Variants in RNGTT observed in about 807,000 individuals in gnomAD.
The protein encoded by RNGTT is RNA guanylyltransferase and 5'-phosphatase.
A neutral mutation model predicts 79.3 loss-of-function variants in RNGTT; 33 were observed. The ratio of observed to expected loss-of-function variants is 0.42; its 90% CI spans 0.32 to 0.56. The LOEUF (loss-of-function observed/expected upper bound fraction) is 0.56. RNGTT is among the 20% of genes least tolerant of loss of function. RNGTT has a pLI of 0.17. For missense variants in RNGTT, 497 were observed against 739.1 expected (o/e 0.67, Z 3.80); for synonymous variants, 222 against 235.9 (o/e 0.94, Z 0.54).
chr6:88,893,362 G>A (rs1045572088), intron 6 of RNGTT, among the ~76,000 whole-genome samples: 12 of 152,000 alleles, frequency 7.9e-5, no homozygotes, highest in African/African-American at 2.9e-4. Flanking sequence ...ATTTATCAAC[G>A]TGGATTTCCT....
chr6:88,723,230 A>G (rs1776765350), intron 13 of RNGTT, among the ~76,000 whole-genome samples: 1 of 152,228 alleles, frequency 6.6e-6, no homozygotes, highest in African/African-American at 2.4e-5. Context: ...TCCTGACCCT[A>G]TATAGCCTAG....
At chr6:88,649,523 A>G (rs1773714240) in intron 14 of RNGTT, among the ~76,000 whole-genome samples, 2 of 152,102 alleles carry the variant, frequency 1.3e-5, no homozygotes, top group African/African-American at 4.8e-5. Flanking sequence ...CGGTGAAACC[A>G]CGTCTTTAAT....
chr6:88,838,075 T>C (rs904619260), intron 11 of RNGTT, among the ~76,000 whole-genome samples: 3 of 152,116 alleles, frequency 2.0e-5, no homozygotes, highest in African/African-American at 7.2e-5. Flanking sequence ...ATAAATAAGA[T>C]TGTATGTCAA....
At chr6:88,788,677 C>T (rs1342996774) in intron 12 of RNGTT, among the ~76,000 whole-genome samples, 1 of 152,218 alleles carries the variant, frequency 6.6e-6, no homozygotes, top group South Asian at 2.1e-4. Context: ...CATGCAGTCA[C>T]CTAAGGCACT....
At chr6:88,614,885 C>T (rs1772161955) in intron 14 of RNGTT, among the ~76,000 whole-genome samples, 1 of 152,184 alleles carries the variant, frequency 6.6e-6, no homozygotes, top group Non-Finnish European at 1.5e-5. Flanking sequence ...AGGCAATGTA[C>T]ATCCTAAATA....
intron 13 of RNGTT, among the ~76,000 whole-genome samples, chr6:88,719,887 A>G (rs1776650024): frequency 6.6e-6 from 1 of 152,204 alleles, no homozygotes; most frequent in Admixed American, 6.5e-5. Context: ...ACATATGAAG[A>G]AACAAAAAGC....
intron 11 of RNGTT, among the ~76,000 whole-genome samples, chr6:88,829,130 C>A (rs545967498): frequency 7.4e-4 from 113 of 152,168 alleles, no homozygotes; most frequent in African/African-American, 2.7e-3. Flanking sequence ...TTAAGGGCAG[C>A]CAGAGAGAAA....
intron 13 of RNGTT, among the ~76,000 whole-genome samples, chr6:88,720,914 C>T (rs143231147): frequency 2.5e-3 from 383 of 152,070 alleles, no homozygotes; most frequent in African/African-American, 8.7e-3. Context: ...CAAATAATGA[C>T]GTCAAACCAT....
chr6:88,615,624 T>C (rs1170826294), intron 14 of RNGTT, among the ~76,000 whole-genome samples: 1 of 152,220 alleles, frequency 6.6e-6, no homozygotes, highest in Non-Finnish European at 1.5e-5. Context: ...ACTGTGTATA[T>C]GCAAGTATTG....
intron 1 of RNGTT, among the ~76,000 whole-genome samples, chr6:88,960,427 G>T (rs1302878994): frequency 2.0e-5 from 3 of 152,130 alleles, no homozygotes; most frequent in Non-Finnish European, 2.9e-5. Flanking sequence ...TATGTTGAAT[G>T]ATATATCTTT....
In RNGTT at chr6:88,922,677, G is replaced by A. The variant is rs141951299; in HGVS notation, c.367+6308C>T. 5.0e-3 allele frequency among the ~76,000 whole-genome samples: 757 copies of A among 152,114 alleles called. 4 individuals are homozygous for A. The highest frequency in any genetic ancestry group is 0.017 in the African/African-American group (697 of 41,488). On this transcript the variant is annotated intron_variant, in intron 4 of 15. Transcript: ENST00000369485. ...CAAGTAGCTGGGACTACAGGCGTCC[G>A]CCACCACGCCCAGCTAATTTTTTGT...
At chr6:88,742,681 A>G (rs938942898) in intron 13 of RNGTT, among the ~76,000 whole-genome samples, 4 of 152,194 alleles carry the variant, frequency 2.6e-5, no homozygotes, top group African/African-American at 2.4e-5. Context: ...GAGAAAATTT[A>G]CCAGTAAGCA....
At chr6:88,843,943 T>C (rs1478686078) in intron 11 of RNGTT, among the ~76,000 whole-genome samples, 1 of 147,702 alleles carries the variant, frequency 6.8e-6, no homozygotes, top group East Asian at 2.0e-4. Flanking sequence ...TATCTATATA[T>C]ATATCTGTAT....
Position 88,666,567 on chromosome 6 carries a change from G to GT in RNGTT, c.1506+11785dup, listed in dbSNP as rs1208245028. ...AATCCCCATATAACCACTGAAGTTTGTAACAATGAACCCCGCCACTGCTTC... is the reference window on the plus strand; with the variant it reads ...AATCCCCATATAACCACTGAAGTTTGTTAACAATGAACCCCGCCACTGCTTC... On this transcript the variant is annotated intron_variant, in intron 14 of 15. Coordinates refer to ENST00000369485, the MANE Select transcript of RNGTT (RefSeq NM_003800.5). Among the ~76,000 whole-genome samples, 10 of 152,206 alleles carry GT rather than the reference G, an allele frequency of 6.6e-5. No homozygotes were observed. The South Asian group carries it at 1.4e-3, about 22-fold the overall frequency.
In RNGTT at chr6:88,908,469, G is replaced by A. The variant is rs1235888882; in HGVS notation, c.368-2029C>T. On this transcript the variant is annotated intron_variant, in intron 4 of 15. Coordinates refer to ENST00000369485, the MANE Select transcript of RNGTT (RefSeq NM_003800.5). ...GATCTTTTGAGAGAAAACACTGAAA[G>A]CCAATAGAGAGGCAAAGCAGACACA... 4.6e-5 allele frequency among the ~76,000 whole-genome samples: 7 copies of A among 152,272 alleles called. No individual in the cohort carries two copies. In the East Asian group the frequency reaches 1.4e-3, roughly 29 times the overall value.
At chr6:88,619,762 CAT>C (rs1491319481) in intron 14 of RNGTT, among the ~76,000 whole-genome samples, 1 of 152,050 alleles carries the variant, frequency 6.6e-6, no homozygotes, top group Non-Finnish European at 1.5e-5. Context: ...ATTTTTTAAA[CAT>C]ATCTCAAGTA....
At chr6:88,724,026 T>G (rs1776799703) in intron 13 of RNGTT, among the ~76,000 whole-genome samples, 1 of 152,204 alleles carries the variant, frequency 6.6e-6, no homozygotes, top group Admixed American at 6.5e-5. Flanking sequence ...CGCTCAGCCG[T>G]GTTTGGGTTT....
chr6:88,908,407 C>T (rs533053961), intron 4 of RNGTT, among the ~76,000 whole-genome samples: 1 of 152,216 alleles, frequency 6.6e-6, no homozygotes, highest in African/African-American at 2.4e-5. Flanking sequence ...TTTGAACCAC[C>T]AAAACTTGAC....
chr6:88,862,417 AC>A (rs1282734549), intron 8 of RNGTT, among the ~76,000 whole-genome samples: 1 of 152,204 alleles, frequency 6.6e-6, no homozygotes, highest in Non-Finnish European at 1.5e-5. Context: ...CGTGGACGTT[AC>A]TGGAGGGTGG....
Sources: gnomAD v4.1 joint callset for allele counts (sites outside exome capture counted in the v4.1 genomes callset) on GRCh38, gnomAD v4.1.1 for gene constraint, MANE v1.5 for transcripts, NCBI Gene and HGNC (gene_info 2026-07-23, HGNC 2026-07-21) for gene names.